AGTPBP1: variants seen among roughly 807,000 people sequenced by gnomAD.
AGTPBP1 encodes the protein ATP/GTP binding carboxypeptidase 1.
AGTPBP1 carries 70 observed loss-of-function variants against 143.9 expected under a neutral mutation model. The ratio of observed to expected loss-of-function variants is 0.49; its 90% CI spans 0.40 to 0.59. The LOEUF (loss-of-function observed/expected upper bound fraction) is 0.59, where lower values mean the gene tolerates loss of function less well. Ranked by LOEUF, AGTPBP1 falls within the 20% of genes least tolerant of loss-of-function variation. The probability of loss-of-function intolerance (pLI) is 0.00; values close to 1 mark genes in which losing one functional copy is unlikely to be tolerated. For missense variants in AGTPBP1, 1,229 were observed against 1,464.5 expected (o/e 0.84, Z 2.62); for synonymous variants, 463 against 500.2 (o/e 0.93, Z 0.99).
chr9:85,769,176 T>C, the AGTPBP1 span, among the ~76,000 whole-genome samples: 1 of 152,086 alleles, frequency 6.6e-6, no homozygotes, highest in South Asian at 2.1e-4. Flanking sequence ...TCTTTCTTCA[T>C]TAAGTCAACA....
intron 14 of AGTPBP1, among the ~76,000 whole-genome samples, chr9:85,627,313 A>C (rs1167796337): frequency 6.6e-6 from 1 of 152,138 alleles, no homozygotes; most frequent in Non-Finnish European, 1.5e-5. Context: ...TTCAGAGAGC[A>C]TCCTGCCCTG....
At chr9:85,770,898 CT>C in the AGTPBP1 span, among the ~76,000 whole-genome samples, 1 of 152,050 alleles carries the variant, frequency 6.6e-6, no homozygotes, top group African/African-American at 2.4e-5. Context: ...GGAATCTGTA[CT>C]TTCTCATCAT....
chr9:85,703,660 C>A (rs1031497588), intron 2 of AGTPBP1, among the ~76,000 whole-genome samples: 1 of 152,190 alleles, frequency 6.6e-6, no homozygotes, highest in Non-Finnish European at 1.5e-5. Flanking sequence ...TGGGGGAACA[C>A]ATAATGTGGG....
At chr9:85,742,462 AC>A (rs1193129215), upstream of AGTPBP1, among the ~76,000 whole-genome samples, 1 of 151,716 alleles carries the variant, frequency 6.6e-6, no homozygotes, top group Non-Finnish European at 1.5e-5. Context: ...TAAAGCTTAG[AC>A]CTTTCCTGAC....
At chr9:85,790,347 G>GTTTT in the AGTPBP1 span, among the ~76,000 whole-genome samples, 1 of 152,116 alleles carries the variant, frequency 6.6e-6, no homozygotes, top group Admixed American at 6.5e-5. Context: ...ACTTTTCATA[G>GTTTT]GTTTTGTTGT....
chr9:85,762,053 A>C, the AGTPBP1 span, among the ~76,000 whole-genome samples: 3 of 152,224 alleles, frequency 2.0e-5, no homozygotes, highest in Non-Finnish European at 4.4e-5. Flanking sequence ...GAGAAATGCA[A>C]ATCAAAACCA....
At chr9:85,756,149 C>T in the AGTPBP1 span, 1 of 1,612,232 alleles carries the variant, frequency 6.2e-7, no homozygotes, top group Non-Finnish European at 8.5e-7. Context: ...ATTAGAGGAG[C>T]TGGAAGCAGA....
intron 17 of AGTPBP1, among the ~76,000 whole-genome samples, chr9:85,608,484 A>G (rs1042129313): frequency 2.6e-5 from 4 of 152,120 alleles, no homozygotes; most frequent in African/African-American, 9.6e-5. Flanking sequence ...CAAATGTCTC[A>G]TCCTGATACA....
intron 25 of AGTPBP1, among the ~76,000 whole-genome samples, chr9:85,549,504 A>G (rs908547242): frequency 2.0e-5 from 3 of 152,228 alleles, no homozygotes; most frequent in Admixed American, 1.3e-4. Context: ...GGATCAGAGT[A>G]AGGATCTCAT....
intron 13 of AGTPBP1, among the ~76,000 whole-genome samples, chr9:85,636,103 A>G (rs750724088): frequency 5.3e-5 from 8 of 152,058 alleles, no homozygotes; most frequent in Non-Finnish European, 8.8e-5. Context: ...TAAACATACA[A>G]TTCAACAAGG....
At chr9:85,793,836 A>G in the AGTPBP1 span, among the ~76,000 whole-genome samples, 1 of 152,100 alleles carries the variant, frequency 6.6e-6, no homozygotes, top group Admixed American at 6.6e-5. Context: ...ACCTCTTCCA[A>G]AGGGTGGGCT....
Position 85,705,399 on chromosome 9 carries a change from A to C in AGTPBP1, c.32+7103T>G, listed in dbSNP as rs569464793. 8.5e-5 allele frequency among the ~76,000 whole-genome samples: 13 copies of C among 152,206 alleles called. 1 individual carries two copies. In the South Asian group the frequency reaches 1.2e-3, roughly 15 times the overall value. The stretch of plus-strand genomic sequence containing the variant: ...AAAAAAAGCAGGCAGCCAGGTAGCC[A>C]AGAGTGGTGGCTCACACCGGTAATC... On this transcript the variant is annotated intron_variant, in intron 2 of 25. Transcript: ENST00000357081.
At chr9:85,774,186 G>C in the AGTPBP1 span, 2 of 627,494 alleles carry the variant, frequency 3.2e-6, no homozygotes, top group Admixed American at 5.9e-5. Flanking sequence ...TTTGGTTGCC[G>C]CATTTTGGGA....
At chr9:85,608,358 T>C (rs1024718388) in intron 17 of AGTPBP1, among the ~76,000 whole-genome samples, 2 of 152,182 alleles carry the variant, frequency 1.3e-5, no homozygotes, top group South Asian at 4.1e-4. Flanking sequence ...AGGGACATAC[T>C]ATTGATATAG....
At chr9:85,632,142 T>C (rs1378344188) in intron 14 of AGTPBP1, among the ~76,000 whole-genome samples, 1 of 152,098 alleles carries the variant, frequency 6.6e-6, no homozygotes. Flanking sequence ...GATACAGACA[T>C]ACAATGCGTA....
the AGTPBP1 span, among the ~76,000 whole-genome samples, chr9:85,797,979 G>A: frequency 1.3e-4 from 20 of 151,830 alleles, no homozygotes; most frequent in South Asian, 2.1e-4. Context: ...TGCAGCCTCC[G>A]CCTCTCAGGT....
intron 8 of AGTPBP1, among the ~76,000 whole-genome samples, chr9:85,662,314 G>A (rs369036401): frequency 6.6e-5 from 10 of 151,922 alleles, no homozygotes; most frequent in African/African-American, 2.2e-4. Context: ...TTATAATAAC[G>A]AATTTGTAAA....
intron 2 of AGTPBP1, 69 bp downstream of exon 2, chr9:85,712,433 G>T: frequency 1.3e-6 from 1 of 742,948 alleles, no homozygotes; most frequent in South Asian, 2.3e-5. Flanking sequence ...GTCAAGTATT[G>T]AGTTTCAAGT....
At chr9:85,620,345 CA>C (rs746970861) in intron 15 of AGTPBP1, among the ~76,000 whole-genome samples, 39 of 146,918 alleles carry the variant, frequency 2.7e-4, no homozygotes, top group Non-Finnish European at 4.9e-4. Context: ...GCCCAAGAGG[CA>C]GAGGTTACAG....
Sources: allele counts gnomAD v4.1 joint callset (sites outside exome capture counted in the v4.1 genomes callset), GRCh38; gene constraint gnomAD v4.1.1; transcripts MANE v1.5; gene names NCBI Gene and HGNC (gene_info 2026-07-23, HGNC 2026-07-21).